Variants in COL28A1 observed in about 807,000 individuals in gnomAD.
COL28A1 encodes the protein collagen alpha-1(XXVIII) chain.
A neutral mutation model predicts 150.2 loss-of-function variants in COL28A1; 161 were observed. The observed-to-expected ratio is 1.07, with a 90% confidence interval of 0.94 to 1.22. The LOEUF (loss-of-function observed/expected upper bound fraction) is 1.22. Ranked by LOEUF, COL28A1 falls within the 50% of genes most tolerant of loss-of-function variation. COL28A1 has a pLI of 0.00. For synonymous variants in COL28A1, 552 were observed against 469.7 expected, an observed-to-expected ratio of 1.18 and a Z score of -2.26; for missense variants, 1,617 against 1,388.3, an observed-to-expected ratio of 1.16 and a Z score of -2.62.
intron 30 of COL28A1, among the ~76,000 whole-genome samples, chr7:7,380,082 T>C (rs1194480049): frequency 1.3e-5 from 2 of 152,042 alleles, no homozygotes; most frequent in African/African-American, 4.8e-5. Context: ...ACAGATTGCC[T>C]TCAAAGCAGA....
At chr7:7,432,795 G>A (rs1456524834) in intron 23 of COL28A1, 95 bp from the exon 24 acceptor site, 6 of 911,324 alleles carry the variant, frequency 6.6e-6, no homozygotes, top group Admixed American at 1.8e-5. Context: ...GCCAACGGTC[G>A]ATTTCTAACC....
At chr7:7,517,657 A>G in intron 7 of COL28A1, 139 bp downstream of exon 7, 1 of 1,197,310 alleles carries the variant, frequency 8.4e-7, no homozygotes, top group Non-Finnish European at 1.2e-6. Context: ...TATCTTTCTG[A>G]TTGCCTTCTT....
intron 25 of COL28A1, among the ~76,000 whole-genome samples, chr7:7,424,207 T>A (rs577929277): frequency 8.5e-5 from 13 of 152,344 alleles, no homozygotes; most frequent in African/African-American, 2.9e-4. Flanking sequence ...TCAGTGTATA[T>A]GTACCATACT....
intron 15 of COL28A1, among the ~76,000 whole-genome samples, chr7:7,467,770 G>T (rs1484040739): frequency 7.2e-5 from 8 of 111,020 alleles, no homozygotes; most frequent in Non-Finnish European, 1.2e-4. Flanking sequence ...TCAGACCACA[G>T]TGCAATCAAA....
chr7:7,460,606 T>C (rs1787534179), intron 15 of COL28A1, among the ~76,000 whole-genome samples: 1 of 151,980 alleles, frequency 6.6e-6, no homozygotes, highest in Non-Finnish European at 1.5e-5. Context: ...ATGGTCTCGA[T>C]CTCCTGACCT....
intron 8 of COL28A1, among the ~76,000 whole-genome samples, chr7:7,513,801 G>T (rs530054550): frequency 6.6e-6 from 1 of 152,258 alleles, no homozygotes; most frequent in African/African-American, 2.4e-5. Context: ...TTTTTGGGGG[G>T]CACAGATTGC....
chr7:7,497,092 A>AG (rs757521865), intron 11 of COL28A1, among the ~76,000 whole-genome samples: 7,767 of 96,402 alleles, frequency 0.081, 240 homozygotes, highest in Middle Eastern at 0.15. Context: ...AAAGGAAGGA[A>AG]GAAAGGAAGG....
intron 15 of COL28A1, 53 bp from the exon 16 acceptor site, chr7:7,456,165 T>A (rs1405807593): frequency 8.9e-6 from 14 of 1,577,920 alleles, no homozygotes; most frequent in Middle Eastern, 3.4e-4. Flanking sequence ...TCTTATTATT[T>A]CATACTTTGC....
chr7:7,505,832 G>T (rs981699755), intron 11 of COL28A1, among the ~76,000 whole-genome samples, 182 bp downstream of exon 11: 1 of 152,148 alleles, frequency 6.6e-6, no homozygotes, highest in Non-Finnish European at 1.5e-5. Flanking sequence ...AATGATAAAG[G>T]TATGCTGCTA....
chr7:7,508,212 A>G (rs1259299529), intron 9 of COL28A1, among the ~76,000 whole-genome samples: 4 of 151,898 alleles, frequency 2.6e-5, no homozygotes, highest in African/African-American at 9.7e-5. Flanking sequence ...AGCCTGGGCA[A>G]CAGAGCGAGA....
At chr7:7,470,655 T>C (rs1413463828) in intron 15 of COL28A1, among the ~76,000 whole-genome samples, 1 of 55,410 alleles carries the variant, frequency 1.8e-5, no homozygotes, top group Non-Finnish European at 2.9e-5. Flanking sequence ...TAAAGACACA[T>C]GCACACGTAT....
intron 27 of COL28A1, among the ~76,000 whole-genome samples, chr7:7,386,973 T>C (rs1466206438): frequency 6.6e-6 from 1 of 152,180 alleles, no homozygotes; most frequent in Non-Finnish European, 1.5e-5. Flanking sequence ...TCTTGCCGTG[T>C]CCTCACATGG....
At chr7:7,375,556 G>T in intron 30 of COL28A1, 59 bp from the exon 31 acceptor site, 3 of 1,132,986 alleles carry the variant, frequency 2.6e-6, no homozygotes, top group Non-Finnish European at 1.2e-6. Flanking sequence ...TTTTCCTAGA[G>T]CCATAAAAGA....
chr7:7,368,569 G>C (rs116676607), intron 33 of COL28A1, among the ~76,000 whole-genome samples: 3 of 152,122 alleles, frequency 2.0e-5, no homozygotes, highest in East Asian at 1.9e-4. Flanking sequence ...GATGGTATTT[G>C]AAGGTGGGGA....
At chr7:7,378,973 C>A (rs1781717523) in intron 30 of COL28A1, among the ~76,000 whole-genome samples, 1 of 152,240 alleles carries the variant, frequency 6.6e-6, no homozygotes. Context: ...AAACCACCTG[C>A]TGTTTGGCCA....
intron 25 of COL28A1, among the ~76,000 whole-genome samples, chr7:7,428,447 T>G (rs1043615676): frequency 4.6e-5 from 7 of 152,158 alleles, no homozygotes; most frequent in African/African-American, 1.7e-4. Context: ...AGAAATAAAC[T>G]CTTATATCAG....
At chr7:7,525,968 T>C (rs897059605) in intron 3 of COL28A1, among the ~76,000 whole-genome samples, 2 of 152,170 alleles carry the variant, frequency 1.3e-5, no homozygotes, top group Admixed American at 1.3e-4. Flanking sequence ...CCAAACGATT[T>C]TAAATTACTA....
intron 8 of COL28A1, among the ~76,000 whole-genome samples, chr7:7,512,302 C>G (rs1562876667): frequency 6.6e-6 from 1 of 152,138 alleles, no homozygotes; most frequent in Non-Finnish European, 1.5e-5. Flanking sequence ...AACACGATGA[C>G]TATCATTAAT....
chr7:7,376,992 A>C (rs2128286616), intron 30 of COL28A1, among the ~76,000 whole-genome samples: 1 of 152,324 alleles, frequency 6.6e-6, no homozygotes, highest in South Asian at 2.1e-4. Context: ...TGGTAGAGCA[A>C]AATCTCTCAT....
Sources: allele counts gnomAD v4.1 joint callset (sites outside exome capture counted in the v4.1 genomes callset), GRCh38; gene constraint gnomAD v4.1.1; transcripts MANE v1.5; gene names NCBI Gene and HGNC (gene_info 2026-07-23, HGNC 2026-07-21).